PLCB1: variants seen among roughly 807,000 people sequenced by gnomAD.
PLCB1 encodes 1-phosphatidylinositol 4,5-bisphosphate phosphodiesterase beta-1.
A neutral mutation model predicts 161.8 loss-of-function variants in PLCB1; 46 were observed. The observed-to-expected ratio is 0.28, with a 90% confidence interval of 0.22 to 0.36. The LOEUF (loss-of-function observed/expected upper bound fraction) is 0.36. Ranked by LOEUF, PLCB1 falls within the 10% of genes least tolerant of loss-of-function variation. PLCB1 has a pLI of 1.00. For synonymous variants in PLCB1, 517 were observed against 503.7 expected, an observed-to-expected ratio of 1.03 and a Z score of -0.35; for missense variants, 1,016 against 1,472.5, an observed-to-expected ratio of 0.69 and a Z score of 5.07.
At chr20:8,377,342 G>A (rs936359167) in intron 3 of PLCB1, among the ~76,000 whole-genome samples, 1 of 152,202 alleles carries the variant, frequency 6.6e-6, no homozygotes, top group Non-Finnish European at 1.5e-5. Flanking sequence ...AATAGAGGAA[G>A]GCCAATGTGG....
chr20:8,230,137 T>TGCAATTCAA (rs1471018398), intron 2 of PLCB1, among the ~76,000 whole-genome samples: 2 of 149,448 alleles, frequency 1.3e-5, no homozygotes, highest in Admixed American at 1.3e-4. Flanking sequence ...AAACAGAATG[T>TGCAATTCAA]GCAATTCAAT....
chr20:8,685,412 G>T (rs1990337219), intron 10 of PLCB1, among the ~76,000 whole-genome samples: 1 of 151,780 alleles, frequency 6.6e-6, no homozygotes, highest in South Asian at 2.1e-4. Context: ...CGGTTCTCTG[G>T]GCTGTGTTCA....
intron 9 of PLCB1, among the ~76,000 whole-genome samples, chr20:8,684,359 C>T (rs1990306706): frequency 6.6e-6 from 1 of 151,896 alleles, no homozygotes; most frequent in Non-Finnish European, 1.5e-5. Context: ...TGGGTGCAAG[C>T]GATTCTCCTG....
chr20:8,473,850 C>T (rs549956267), intron 3 of PLCB1, among the ~76,000 whole-genome samples: 1 of 152,330 alleles, frequency 6.6e-6, no homozygotes, highest in South Asian at 2.1e-4. Flanking sequence ...AAACCTGATG[C>T]AGAACCTTAA....
chr20:8,556,148 G>C (rs1985945998), intron 3 of PLCB1, among the ~76,000 whole-genome samples: 2 of 151,932 alleles, frequency 1.3e-5, no homozygotes, highest in Non-Finnish European at 2.9e-5. Context: ...TCCTCAGCAT[G>C]GCAGCAGTAG....
At chr20:8,724,396 AG>A (rs1376296176) in intron 15 of PLCB1, among the ~76,000 whole-genome samples, 1 of 152,008 alleles carries the variant, frequency 6.6e-6, no homozygotes, top group Non-Finnish European at 1.5e-5. Flanking sequence ...AATGGAAAGG[AG>A]GGGGCAGGGG....
At chr20:8,338,960 C>T (rs1985695413) in intron 2 of PLCB1, among the ~76,000 whole-genome samples, 1 of 152,092 alleles carries the variant, frequency 6.6e-6, no homozygotes, top group Non-Finnish European at 1.5e-5. Flanking sequence ...GAGATTCATC[C>T]GTGTTGTTCC....
intron 31 of PLCB1, among the ~76,000 whole-genome samples, chr20:8,842,037 AGTACCTTGGCTTATATAACCAC>A (rs757136331): frequency 3.2e-3 from 492 of 152,306 alleles, no homozygotes; most frequent in Middle Eastern, 0.01. Flanking sequence ...TAGGTTTGGA[AGTACCTTGGCTTATATAACCAC>A]TATTCAGATA....
chr20:8,651,080 A>T (rs1253902637), intron 7 of PLCB1, among the ~76,000 whole-genome samples: 1 of 152,180 alleles, frequency 6.6e-6, no homozygotes, highest in African/African-American at 2.4e-5. Context: ...AGTCCATTGC[A>T]TAAAATTTTT....
intron 11 of PLCB1, among the ~76,000 whole-genome samples, chr20:8,698,370 T>G (rs1990626657): frequency 6.6e-6 from 1 of 152,196 alleles, no homozygotes; most frequent in South Asian, 2.1e-4. Flanking sequence ...TGATTCACAC[T>G]ATAGTATACA....
chr20:8,375,268 A>G (rs1407655729), intron 3 of PLCB1, among the ~76,000 whole-genome samples: 3 of 152,140 alleles, frequency 2.0e-5, no homozygotes, highest in Non-Finnish European at 4.4e-5. Flanking sequence ...ACGTAAGGGC[A>G]AGATGCTGTG....
chr20:8,253,346 T>C (rs1025257362), intron 2 of PLCB1, among the ~76,000 whole-genome samples: 1 of 152,042 alleles, frequency 6.6e-6, no homozygotes, highest in African/African-American at 2.4e-5. Context: ...ATTGGCACCC[T>C]TGTCAAAAAT....
At chr20:8,790,058 TCA>T in intron 30 of PLCB1, 115 bp from the exon 31 acceptor site, 1 of 681,522 alleles carries the variant, frequency 1.5e-6, no homozygotes, top group Non-Finnish European at 2.6e-6. Context: ...TAGTTCTTGA[TCA>T]GGAGATCAAA....
intron 2 of PLCB1, among the ~76,000 whole-genome samples, chr20:8,368,152 T>A (rs1470801716): frequency 2.0e-5 from 3 of 152,196 alleles, no homozygotes; most frequent in Non-Finnish European, 2.9e-5. Context: ...CTTTGTTAAT[T>A]CAATTTGGGC....
At chr20:8,788,389 T>C (rs1332167748) in intron 27 of PLCB1, 60 bp from the exon 28 acceptor site, 1 of 1,473,986 alleles carries the variant, frequency 6.8e-7, no homozygotes, top group Non-Finnish European at 9.4e-7. Context: ...TTGAGGGAGG[T>C]GGGAAGGAAG....
At chr20:8,189,588 A>G (rs993186117) in intron 2 of PLCB1, among the ~76,000 whole-genome samples, 1 of 152,188 alleles carries the variant, frequency 6.6e-6, no homozygotes, top group Middle Eastern at 3.4e-3. Flanking sequence ...CATAGAAAAC[A>G]CAATGAACTT....
intron 1 of PLCB1, among the ~76,000 whole-genome samples, chr20:8,141,457 C>T (rs1308007833): frequency 1.3e-5 from 2 of 151,952 alleles, no homozygotes; most frequent in African/African-American, 2.4e-5. Flanking sequence ...AACCCCGTCT[C>T]TACTAGAATA....
intron 3 of PLCB1, among the ~76,000 whole-genome samples, chr20:8,591,026 A>G (rs964948853): frequency 2.0e-5 from 3 of 150,972 alleles, no homozygotes; most frequent in Non-Finnish European, 2.9e-5. Context: ...CCCTGTGTCC[A>G]TGTGTTCTCA....
At chr20:8,163,147 A>C (rs1352025598) in intron 2 of PLCB1, among the ~76,000 whole-genome samples, 2 of 152,170 alleles carry the variant, frequency 1.3e-5, no homozygotes, top group Admixed American at 1.3e-4. Flanking sequence ...GCCATGGGGA[A>C]GTGAGATAGG....
Sources: gnomAD v4.1 joint callset for allele counts (sites outside exome capture counted in the v4.1 genomes callset) on GRCh38, gnomAD v4.1.1 for gene constraint, MANE v1.5 for transcripts, NCBI Gene and HGNC (gene_info 2026-07-23, HGNC 2026-07-21) for gene names.